The following TMEM108 variants were observed in gnomAD, a reference collection of about 807,000 sequenced individuals.
The protein encoded by TMEM108 is transmembrane protein 108, also known as cancer/testis antigen 124.
A neutral mutation model predicts 35.1 loss-of-function variants in TMEM108; 12 were observed. That is an observed-to-expected ratio of 0.34 (90% CI 0.22 to 0.55). The LOEUF (loss-of-function observed/expected upper bound fraction) is 0.55. TMEM108 is among the 20% of genes least tolerant of loss of function. The pLI, the probability that TMEM108 is intolerant of heterozygous loss-of-function variation, is 0.89. For missense variants in TMEM108, 680 were observed against 753.3 expected, an observed-to-expected ratio of 0.90 and a Z score of 1.14; for synonymous variants, 287 against 308.6, an observed-to-expected ratio of 0.93 and a Z score of 0.73.
At chr3:133,073,510 C>CTCTCTCTCTCTCTCTCTCTCTATATATA in intron 2 of TMEM108, among the ~76,000 whole-genome samples, 7 of 43,902 alleles carry the variant, frequency 1.6e-4, no homozygotes, top group African/African-American at 7.1e-4. Context: ...CTCTCTCTCT[C>CTCTCTCTCTCTCTCTCTCTCTATATATA]TATATATATA....
rs1417771538 is a variant in TMEM108 at position 133,380,136 on chromosome 3, T to G, written c.425T>G (p.Leu142Arg). ...RPRGQAAPTI[L>R]LTKPPGATSR... ...CGAGGGCAGGCTGCCCCCACCATCC[T>G]GCTGACAAAGCCACCGGGGGCCACC... is the stretch of plus-strand genomic sequence containing the variant. The change falls in exon 4 of 6, where the codon CTG (leucine) becomes CGG (arginine). Residue 142 changes from leucine to arginine, a missense_variant. By Grantham distance (102) the Leu-to-Arg change is moderately radical. Transcript: ENST00000321871. The surrounding 1 kb of genome is among the most constrained non-coding windows in gnomAD (Gnocchi z 5.3). 6.2e-7 allele frequency: 1 copy of G among 1,613,628 alleles called. No individual in the cohort carries two copies. Among genetic ancestry groups the G allele is most frequent in the Non-Finnish European group, 8.5e-7 (1 of 1,179,876 alleles).
At chr3:133,315,637 G>A (rs2071189731) in intron 3 of TMEM108, among the ~76,000 whole-genome samples, 1 of 152,210 alleles carries the variant, frequency 6.6e-6, no homozygotes, top group African/African-American at 2.4e-5. Context: ...TCTTGCTGAT[G>A]TGCTGGTTTC....
intron 2 of TMEM108, among the ~76,000 whole-genome samples, chr3:133,179,993 G>A (rs1004356931): frequency 1.6e-4 from 24 of 151,596 alleles, no homozygotes; most frequent in African/African-American, 5.3e-4. Flanking sequence ...AAAATATCTC[G>A]AAAACCATTA....
chr3:133,208,800 A>G (rs180857246), intron 2 of TMEM108, among the ~76,000 whole-genome samples: 1 of 152,172 alleles, frequency 6.6e-6, no homozygotes, highest in East Asian at 1.9e-4. Flanking sequence ...TCACTGTCTT[A>G]CCTCTGTGCC....
intron 3 of TMEM108, among the ~76,000 whole-genome samples, chr3:133,274,101 T>C (rs1313737098): frequency 6.6e-6 from 1 of 152,174 alleles, no homozygotes; most frequent in Non-Finnish European, 1.5e-5. Context: ...CCCAGCGAGT[T>C]TGTATGAACA....
At chr3:133,367,020 C>T (rs542063338) in intron 3 of TMEM108, among the ~76,000 whole-genome samples, 25 of 152,174 alleles carry the variant, frequency 1.6e-4, no homozygotes, top group Admixed American at 9.2e-4. Context: ...TTTCACTTAG[C>T]GCCCTCCCCC....
rs754689350 is a variant in TMEM108, at chr3:133,381,142, C to T, written c.1431C>T (p.Ser477=). 12 of 1,603,026 alleles carry T rather than the reference C, an allele frequency of 7.5e-6. No homozygotes were observed. The East Asian group carries it at 1.6e-4, about 21-fold the overall frequency. The change falls in exon 4 of 6, where the codon AGC becomes AGT. Residue 477 remains serine (S), a synonymous_variant. Coordinates refer to ENST00000321871, the MANE Select transcript of TMEM108 (RefSeq NM_023943.4). The stretch of plus-strand genomic sequence containing the variant: ...TCGCCTGGGTGATCCTGGCCATCAG[C>T]GTGCCCATCTCCTCCTGCTGTAAGT... ...MDIAWVILAI[S]VPISSCSVLL...
intron 3 of TMEM108, among the ~76,000 whole-genome samples, chr3:133,373,041 C>T (rs1207327769): frequency 6.6e-6 from 1 of 152,084 alleles, no homozygotes; most frequent in Non-Finnish European, 1.5e-5. Context: ...CAGAGATGGA[C>T]CATACTAGAA....
intron 2 of TMEM108, among the ~76,000 whole-genome samples, chr3:133,157,722 T>A (rs1312730110): frequency 1.3e-5 from 2 of 152,214 alleles, no homozygotes; most frequent in African/African-American, 4.8e-5. Context: ...TAAACTCTTA[T>A]CTGCATTAAA....
rs1394184402 is a variant in TMEM108 at position 133,205,529 on chromosome 3, T to C, written c.-46-23737T>C. 2.6e-5 allele frequency among the ~76,000 whole-genome samples: 4 copies of C among 152,188 alleles called. No homozygotes were observed. The East Asian group carries it at 7.7e-4, about 29-fold the overall frequency. On this transcript the variant is annotated intron_variant, in intron 2 of 5. Transcript: ENST00000321871. ...GACAAAATCTCTCAGTATTTGCTTG[T>C]CTGTAAAGGATTTTATTTCTCCTTC...
chr3:133,094,587 G>T (rs1356369858), intron 2 of TMEM108, among the ~76,000 whole-genome samples: 2 of 152,008 alleles, frequency 1.3e-5, no homozygotes, highest in African/African-American at 2.4e-5. Flanking sequence ...ATTTGTTCTC[G>T]CTCCCTCCAT....
At chr3:133,386,644 G>A in intron 4 of TMEM108, 1 of 1,414,692 alleles carries the variant, frequency 7.1e-7, no homozygotes, top group Non-Finnish European at 9.2e-7. Flanking sequence ...AGTCTTGATG[G>A]CTACTGCCTC....
intron 4 of TMEM108, among the ~76,000 whole-genome samples, chr3:133,385,410 A>G (rs2073122490): frequency 6.6e-6 from 1 of 152,156 alleles, no homozygotes; most frequent in Non-Finnish European, 1.5e-5. Context: ...CTTCTCCCCA[A>G]GAGGGCCGTG....
chr3:133,383,412 ATC>A (rs1207895624), intron 4 of TMEM108, among the ~76,000 whole-genome samples: 1 of 152,156 alleles, frequency 6.6e-6, no homozygotes, highest in African/African-American at 2.4e-5. Context: ...GTAATACAAA[ATC>A]TGTTTGATTC....
intron 3 of TMEM108, among the ~76,000 whole-genome samples, chr3:133,290,171 G>A (rs1243185272): frequency 4.6e-5 from 7 of 152,314 alleles, no homozygotes; most frequent in African/African-American, 1.7e-4. Context: ...GGAGGGCAGG[G>A]AGGAGGTGAA....
chr3:133,191,507 A>G (rs1272720167), intron 2 of TMEM108, among the ~76,000 whole-genome samples: 1 of 152,228 alleles, frequency 6.6e-6, no homozygotes, highest in Non-Finnish European at 1.5e-5. Context: ...TTTTTCACTC[A>G]TGCCACATGC....
chr3:133,109,981 G>C lies in TMEM108; in HGVS notation c.-47+63961G>C, dbSNP rs144179720. Among the ~76,000 whole-genome samples the C allele has an allele frequency of 4.6e-3, 698 of 152,202 alleles. 6 individuals are homozygous for C. Among genetic ancestry groups the C allele is most frequent in the Middle Eastern group, 0.031 (9 of 294 alleles). Reference sequence around the variant, plus strand: ...TTTAGGATTGGTAAGTACAGACAGGGCCCCCTTCTGGAACCCTTACAGGAT... The same window carrying C: ...TTTAGGATTGGTAAGTACAGACAGGCCCCCCTTCTGGAACCCTTACAGGAT... On this transcript the variant is annotated intron_variant, in intron 2 of 5. Coordinates refer to ENST00000321871, the MANE Select transcript of TMEM108 (RefSeq NM_023943.4).
intron 3 of TMEM108, among the ~76,000 whole-genome samples, chr3:133,359,188 A>G (rs1357441514): frequency 6.6e-6 from 1 of 152,222 alleles, no homozygotes; most frequent in Non-Finnish European, 1.5e-5. Flanking sequence ...AGTATTCTAC[A>G]GAATTCTCAT....
At chr3:133,226,535 G>C (rs1022157487) in intron 2 of TMEM108, among the ~76,000 whole-genome samples, 7 of 152,150 alleles carry the variant, frequency 4.6e-5, no homozygotes, top group African/African-American at 1.7e-4. Flanking sequence ...TAAGATCACT[G>C]TTTTAATGTT....
Sources: gnomAD v4.1 joint callset for allele counts (sites outside exome capture counted in the v4.1 genomes callset) on GRCh38, gnomAD v4.1.1 for gene constraint, Gnocchi (gnomAD v3.1) non-coding constraint, MANE v1.5 for transcripts, NCBI Gene and HGNC (gene_info 2026-07-23, HGNC 2026-07-21) for gene names.